Variants in FOCAD observed in about 807,000 individuals in gnomAD.
FOCAD encodes KIAA1797.
A neutral mutation model predicts 225.6 loss-of-function variants in FOCAD; 198 were observed. The ratio of observed to expected loss-of-function variants is 0.88; its 90% confidence interval spans 0.78 to 0.99. The LOEUF is 0.99. Ranked by LOEUF, FOCAD falls within the 50% of genes least tolerant of loss-of-function variation. The probability of loss-of-function intolerance (pLI) is 0.00; values close to 1 mark genes in which losing one functional copy is unlikely to be tolerated. For missense variants in FOCAD, 2,713 were observed against 2,123.6 expected (o/e 1.28, Z -5.46); for synonymous variants, 897 against 755.0 (o/e 1.19, Z -3.08).
chr9:20,884,585 C>G (rs566777073), intron 20 of FOCAD, among the ~76,000 whole-genome samples: 2 of 152,064 alleles, frequency 1.3e-5, no homozygotes, highest in South Asian at 4.2e-4. Context: ...GTGTGAGCCA[C>G]CGTGCCTGTC....
chr9:20,912,920 G>A lies in FOCAD; in HGVS notation c.2773G>A (p.Glu925Lys). The change falls in exon 23 of 44, where the codon GAG (glutamate) becomes AAG (lysine). Residue 925 changes from glutamate (E) to lysine (K), a missense_variant. Physicochemically the swap from Glu to Lys is moderately conservative, Grantham distance 56. Transcript: ENST00000338382. ...AAAACATGGAAAAGAAGAACCTGAGGAGGTGCAGTACAAAAAAAGCACAGC... is the reference window on the plus strand; with the variant it reads ...AAAACATGGAAAAGAAGAACCTGAGAAGGTGCAGTACAAAAAAAGCACAGC... The part of the protein sequence containing the change: ...QLKHGKEEPE[E>K]VQYKKSTAWL... 2 of 1,613,256 alleles carry A rather than the reference G, an allele frequency of 1.2e-6. No homozygotes were observed. Among genetic ancestry groups the A allele is most frequent in the Non-Finnish European group, 1.7e-6 (2 of 1,179,560 alleles).
At chr9:20,787,078 GCAAA>G (rs373152138) in intron 10 of FOCAD, 280 of 328,204 alleles carry the variant, frequency 8.5e-4, no homozygotes, top group Middle Eastern at 4.3e-3. Context: ...CTAACCTTAG[GCAAA>G]CAAACAAACA....
intron 21 of FOCAD, among the ~76,000 whole-genome samples, chr9:20,904,431 A>G (rs572874651): frequency 6.6e-6 from 1 of 151,866 alleles, no homozygotes; most frequent in African/African-American, 2.4e-5. Flanking sequence ...CCCATACTTT[A>G]CCTTCTCTAC....
chr9:20,686,684 TAGTA>T (rs1406974153), intron 1 of FOCAD, among the ~76,000 whole-genome samples: 4 of 152,246 alleles, frequency 2.6e-5, no homozygotes, highest in East Asian at 1.9e-4. Flanking sequence ...ATCAAGTGGG[TAGTA>T]AGTATTTCTT....
chr9:20,730,129 G>A (rs1826557274), intron 4 of FOCAD, among the ~76,000 whole-genome samples: 1 of 152,104 alleles, frequency 6.6e-6, no homozygotes. Context: ...GAGTTTGGGG[G>A]AGACTTTTTC....
rs763418424 is a variant in FOCAD at position 20,789,566 on chromosome 9, A to G, written c.1413A>G (p.Ile471Met). ...ACAAAGGACAAAATCTTCACCAAAT[A>G]CTCAAGGTCACTACAGAATTAGCCC... ...VEDKGQNLHQ[I>M]LKVTTELAQA... is the part of the protein sequence containing the mutation. Residue 471 changes from isoleucine to methionine, a missense_variant, in exon 11 of 44, where the codon ATA becomes ATG. Coordinates refer to ENST00000338382, the MANE Select transcript of FOCAD (RefSeq NM_001375567.1). 1.6e-5 allele frequency: 26 copies of G among 1,613,784 alleles called. No homozygotes were observed. Among genetic ancestry groups the G allele is most frequent in the South Asian group, 1.3e-4 (12 of 91,076 alleles).
Position 20,759,627 on chromosome 9 carries a change from A to G in FOCAD, c.494+1436A>G, listed in dbSNP as rs546316835. Among the ~76,000 whole-genome samples the G allele has an allele frequency of 3.9e-4, 59 of 152,334 alleles. No individual in the cohort carries two copies. The South Asian group carries it at 4.8e-3, about 12-fold the overall frequency. ...AAAAACCGTAGAAGAAAACCTAGGCATTACCATTCAGGACATAGGCATGGG... is the reference window on the plus strand; with the variant it reads ...AAAAACCGTAGAAGAAAACCTAGGCGTTACCATTCAGGACATAGGCATGGG... On this transcript the variant is annotated intron_variant, in intron 6 of 43. Coordinates refer to ENST00000338382, the MANE Select transcript of FOCAD (RefSeq NM_001375567.1).
upstream of FOCAD, chr9:20,684,044 C>A (rs922623691): frequency 6.6e-6 from 1 of 152,406 alleles, no homozygotes; most frequent in South Asian, 2.1e-4. Context: ...CAGCCCTCCC[C>A]GCACCAGCTC....
intron 4 of FOCAD, among the ~76,000 whole-genome samples, chr9:20,728,928 T>C (rs1484363662): frequency 1.3e-5 from 2 of 152,182 alleles, no homozygotes; most frequent in Non-Finnish European, 2.9e-5. Context: ...GTGTGTTTTG[T>C]TCTTCTTTCT....
At position 20,812,495 on chromosome 9, in the gene FOCAD, G is replaced by A. The variant is rs564269847; in HGVS notation, c.1456-7301G>A. 2.6e-5 allele frequency among the ~76,000 whole-genome samples: 4 copies of A among 152,012 alleles called. No homozygotes were observed. In the South Asian group the frequency reaches 8.3e-4, roughly 32 times the overall value. On this transcript the variant is annotated intron_variant, in intron 11 of 43. Transcript: ENST00000338382. ...CAGCCTCATGAAGTGTTGCCAACGTGTATGTTTTTTTCTGAATCCAGAGTT... is the reference window on the plus strand; with the variant it reads ...CAGCCTCATGAAGTGTTGCCAACGTATATGTTTTTTTCTGAATCCAGAGTT...
chr9:20,770,478 A>C (rs973980021), intron 8 of FOCAD, among the ~76,000 whole-genome samples: 1 of 151,200 alleles, frequency 6.6e-6, no homozygotes, highest in South Asian at 2.1e-4. Context: ...AGGAGTGGCG[A>C]GATACTACAC....
At chr9:20,844,050 CAT>C (rs1049204582) in intron 15 of FOCAD, among the ~76,000 whole-genome samples, 9 of 152,070 alleles carry the variant, frequency 5.9e-5, no homozygotes, top group African/African-American at 2.2e-4. Flanking sequence ...AAAAGTTAAA[CAT>C]AGAGTTACTA....
rs747015104 is a variant in FOCAD at position 20,981,627 on chromosome 9, TGGA to T, written c.4581_4583del (p.Trp1527_Ser1528delinsCys). The T allele has an allele frequency of 2.1e-5, 34 of 1,614,064 alleles. No individual in the cohort carries two copies. In the East Asian group the frequency reaches 4.7e-4, roughly 22 times the overall value. The stretch of plus-strand genomic sequence containing the variant: ...ACTGCCCAGCCCTGCCCACCACCTC[TGGA>T]GTCTGCTCTCTGAAGCTACTGGGAA... On this transcript the variant is annotated inframe_deletion, in exon 38 of 44. Transcript: ENST00000338382.
intron 4 of FOCAD, among the ~76,000 whole-genome samples, chr9:20,728,750 G>A (rs985462315): frequency 4.6e-5 from 7 of 152,148 alleles, no homozygotes; most frequent in Non-Finnish European, 7.3e-5. Context: ...TAGACTTTTG[G>A]CAGCAGTTTC....
intron 1 of FOCAD, among the ~76,000 whole-genome samples, chr9:20,705,924 GT>G (rs59407171): frequency 0.038 from 4,026 of 106,662 alleles, 42 homozygotes; most frequent in Non-Finnish European, 0.049. Context: ...TCAGTTTTAA[GT>G]TTTTTTTTTT....
chr9:20,993,400 T>C (rs1841829505), intron 43 of FOCAD, 72 bp downstream of exon 43: 7 of 1,288,012 alleles, frequency 5.4e-6, no homozygotes, highest in African/African-American at 1.5e-5. Flanking sequence ...AGAATGGCAT[T>C]CTAGTGGTTG....
chr9:20,762,727 A>G (rs1361904878), intron 6 of FOCAD, among the ~76,000 whole-genome samples: 2 of 152,096 alleles, frequency 1.3e-5, no homozygotes, highest in Non-Finnish European at 2.9e-5. Flanking sequence ...TTGGAAGGGT[A>G]TATTGTGTAG....
chr9:20,824,786 A>T (rs1437727467), intron 15 of FOCAD, among the ~76,000 whole-genome samples: 1 of 152,062 alleles, frequency 6.6e-6, no homozygotes, highest in Non-Finnish European at 1.5e-5. Flanking sequence ...AAGCACTACC[A>T]CTAATTAGTT....
chr9:20,932,933 G>T, intron 27 of FOCAD, 81 bp from the exon 28 acceptor site: 15 of 931,212 alleles, frequency 1.6e-5, no homozygotes, highest in South Asian at 4.9e-5. Context: ...GTAAAATATT[G>T]AGAGTATAAT....
Sources: gnomAD v4.1 joint callset for allele counts (sites outside exome capture counted in the v4.1 genomes callset) on GRCh38, gnomAD v4.1.1 for gene constraint, MANE v1.5 for transcripts, NCBI Gene and HGNC (gene_info 2026-07-23, HGNC 2026-07-21) for gene names.